Variants in ZDHHC13 observed in about 807,000 individuals in gnomAD.
The protein encoded by ZDHHC13 is zDHHC palmitoyltransferase 13, also known as palmitoyltransferase ZDHHC13.
A neutral mutation model predicts 86.0 loss-of-function variants in ZDHHC13; 85 were observed. That is an observed-to-expected ratio of 0.99 (90% CI 0.83 to 1.18). ZDHHC13 has a LOEUF of 1.18. ZDHHC13 is among the 50% of genes most tolerant of loss of function. The pLI is 0.00. For missense variants in ZDHHC13, 711 were observed against 730.2 expected (o/e 0.97, Z 0.30); for synonymous variants, 263 against 246.4 (o/e 1.07, Z -0.63).
chr11:19,167,452 C>G (rs952672794), intron 14 of ZDHHC13: 2 of 152,072 alleles, frequency 1.3e-5, no homozygotes, highest in Non-Finnish European at 2.9e-5. Context: ...GTACACTTGC[C>G]CCCCAGGCTC....
chr11:19,128,851 A>G (rs945150946), intron 1 of ZDHHC13, among the ~76,000 whole-genome samples: 4 of 152,224 alleles, frequency 2.6e-5, no homozygotes, highest in African/African-American at 9.6e-5. Context: ...GGACAGTTAT[A>G]TATCCCACAA....
At chr11:19,148,245 A>G (rs748844368) in intron 4 of ZDHHC13, among the ~76,000 whole-genome samples, 1 of 151,986 alleles carries the variant, frequency 6.6e-6, no homozygotes, top group South Asian at 2.1e-4. Flanking sequence ...TTATTAATTT[A>G]AACTCCACTC....
intron 1 of ZDHHC13, among the ~76,000 whole-genome samples, chr11:19,122,524 A>G (rs561839269): frequency 2.6e-5 from 4 of 152,240 alleles, no homozygotes; most frequent in East Asian, 1.9e-4. Context: ...TAATTTGAAA[A>G]TAATCTAATA....
chr11:19,170,756 G>A (rs890380688), intron 15 of ZDHHC13, among the ~76,000 whole-genome samples, 188 bp downstream of exon 15: 7 of 152,106 alleles, frequency 4.6e-5, no homozygotes, highest in Non-Finnish European at 7.3e-5. Flanking sequence ...GGATAATAAC[G>A]CCTGTCTACT....
At chr11:19,164,101 C>A (rs1849988521) in intron 11 of ZDHHC13, among the ~76,000 whole-genome samples, 200 bp from the exon 12 acceptor site, 1 of 152,032 alleles carries the variant, frequency 6.6e-6, no homozygotes, top group Non-Finnish European at 1.5e-5. Flanking sequence ...TTTTATGCAT[C>A]CTAATTTATT....
chr11:19,135,734 G>A (rs902356486), intron 1 of ZDHHC13, among the ~76,000 whole-genome samples: 3 of 152,256 alleles, frequency 2.0e-5, no homozygotes, highest in African/African-American at 7.2e-5. Context: ...CTGAGAACGG[G>A]CAGACTGCCT....
intron 2 of ZDHHC13, among the ~76,000 whole-genome samples, chr11:19,144,706 A>T (rs1849411673): frequency 6.6e-6 from 1 of 152,190 alleles, no homozygotes; most frequent in Non-Finnish European, 1.5e-5. Flanking sequence ...GAAACAGACA[A>T]TTCTGCCATT....
At chr11:19,138,862 A>C (rs1849225155) in intron 1 of ZDHHC13, among the ~76,000 whole-genome samples, 1 of 152,112 alleles carries the variant, frequency 6.6e-6, no homozygotes, top group Non-Finnish European at 1.5e-5. Context: ...AAAATTCAAC[A>C]ACCCTTCATG....
chr11:19,166,276 G>A (rs1276697425), intron 13 of ZDHHC13, 26 bp from the exon 14 acceptor site: 1 of 1,574,852 alleles, frequency 6.3e-7, no homozygotes, highest in African/African-American at 1.4e-5. Context: ...AAAATATTAA[G>A]TATGTTTTTT....
At chr11:19,171,765 A>G (rs144767382) in intron 15 of ZDHHC13, among the ~76,000 whole-genome samples, 4 of 152,362 alleles carry the variant, frequency 2.6e-5, no homozygotes, top group African/African-American at 9.6e-5. Context: ...AAAAAGGTCA[A>G]TAAGGCAAAA....
At chr11:19,131,823 G>T (rs1273617171) in intron 1 of ZDHHC13, among the ~76,000 whole-genome samples, 1 of 151,964 alleles carries the variant, frequency 6.6e-6, no homozygotes, top group Non-Finnish European at 1.5e-5. Flanking sequence ...TAGTAGAGAC[G>T]GGGTTTCACC....
chr11:19,142,540 G>C (rs1295425949), intron 1 of ZDHHC13, among the ~76,000 whole-genome samples: 1 of 152,146 alleles, frequency 6.6e-6, no homozygotes, highest in African/African-American at 2.4e-5. Flanking sequence ...ACTCCAAAAA[G>C]TAGAGGCCTG....
intron 1 of ZDHHC13, among the ~76,000 whole-genome samples, chr11:19,137,680 C>G (rs941512681): frequency 2.0e-5 from 3 of 151,900 alleles, no homozygotes; most frequent in Admixed American, 2.0e-4. Context: ...AAGCTCTCCT[C>G]AGCAAAAGAA....
chr11:19,137,636 A>G (rs1849181164), intron 1 of ZDHHC13, among the ~76,000 whole-genome samples: 1 of 152,084 alleles, frequency 6.6e-6, no homozygotes, highest in South Asian at 2.1e-4. Flanking sequence ...ACCACACCAC[A>G]CCTATTCCAA....
intron 7 of ZDHHC13, 34 bp downstream of exon 7, chr11:19,152,354 A>T: frequency 6.2e-7 from 1 of 1,600,708 alleles, no homozygotes; most frequent in African/African-American, 1.3e-5. Flanking sequence ...TTAGTTTATT[A>T]TATCTTGAGT....
chr11:19,172,918 G>A, intron 16 of ZDHHC13, 98 bp downstream of exon 16: 1 of 1,127,780 alleles, frequency 8.9e-7, no homozygotes, highest in Non-Finnish European at 1.2e-6. Flanking sequence ...CTGCTGTTCT[G>A]TAATTTGCCA....
In ZDHHC13 at chr11:19,152,143, A is replaced by T. The variant is rs780677383; in HGVS notation, c.585-15A>T. The T allele has an allele frequency of 5.0e-6, 8 of 1,608,438 alleles. No homozygotes were observed. In the African/African-American group the frequency reaches 6.7e-5, roughly 13 times the overall value. On this transcript the variant is annotated splice_polypyrimidine_tract_variant and intron_variant, in intron 6 of 16. Transcript: ENST00000446113. Reference sequence around the variant, plus strand: ...CTCTGTTAATGCCTCTTGGTATTTTATTATTTTGAGACAGGCCAGAACCAA... The same window carrying T: ...CTCTGTTAATGCCTCTTGGTATTTTTTTATTTTGAGACAGGCCAGAACCAA...
chr11:19,147,655 C>T lies in ZDHHC13; in HGVS notation c.356C>T (p.Pro119Leu), dbSNP rs1376131296. The change falls in exon 4 of 17, where the codon CCT (proline) becomes CTT (leucine). Residue 119 changes from proline to leucine, a missense_variant. Transcript: ENST00000446113. ...DQLGGDLNST[P>L]LHWAIRQGHL... ...TTGGGTGGAGATTTAAATTCAACTC[C>T]TCTTCACTGGGCCATCCGGTAAGGT... The T allele has an allele frequency of 1.2e-6, 2 of 1,601,490 alleles. No homozygotes were observed. Among genetic ancestry groups the T allele is most frequent in the Non-Finnish European group, 1.7e-6 (2 of 1,173,458 alleles).
At chr11:19,174,505 A>G (rs1380096235) in intron 16 of ZDHHC13, among the ~76,000 whole-genome samples, 2 of 152,244 alleles carry the variant, frequency 1.3e-5, no homozygotes, top group African/African-American at 4.8e-5. Flanking sequence ...CATCATCCCC[A>G]TGCAGAACAC....
Sources: gnomAD v4.1 joint callset for allele counts (sites outside exome capture counted in the v4.1 genomes callset) on GRCh38, gnomAD v4.1.1 for gene constraint, MANE v1.5 for transcripts, NCBI Gene and HGNC (gene_info 2026-07-23, HGNC 2026-07-21) for gene names.